The following SDCCAG8 variants were observed in gnomAD, a reference collection of about 807,000 sequenced individuals.
The protein encoded by SDCCAG8 is SHH signaling and ciliogenesis regulator SDCCAG8.
SDCCAG8 carries 74 observed loss-of-function variants against 101.8 expected under a neutral mutation model. The observed-to-expected ratio is 0.73, with a 90% CI of 0.60 to 0.88. The LOEUF (loss-of-function observed/expected upper bound fraction) is 0.88. Ranked by LOEUF, SDCCAG8 falls within the 40% of genes least tolerant of loss-of-function variation. The probability of loss-of-function intolerance (pLI) is 0.00; values close to 1 mark genes in which losing one functional copy is unlikely to be tolerated. For synonymous variants in SDCCAG8, 281 were observed against 292.9 expected (o/e 0.96, Z 0.41); for missense variants, 787 against 822.6 (o/e 0.96, Z 0.53).
At chr1:243,419,516 T>G (rs928457016) in intron 15 of SDCCAG8, among the ~76,000 whole-genome samples, 1 of 152,154 alleles carries the variant, frequency 6.6e-6, no homozygotes, top group Non-Finnish European at 1.5e-5. Flanking sequence ...GATCTTGCTC[T>G]CCAAGGAGAC....
At chr1:243,463,901 A>C (rs952890573) in intron 16 of SDCCAG8, among the ~76,000 whole-genome samples, 1 of 151,878 alleles carries the variant, frequency 6.6e-6, no homozygotes, top group African/African-American at 2.4e-5. Flanking sequence ...ATACCCATCC[A>C]AGGGATGGAT....
intron 13 of SDCCAG8, among the ~76,000 whole-genome samples, chr1:243,379,546 A>T (rs994237645): frequency 6.6e-6 from 1 of 152,124 alleles, no homozygotes; most frequent in Non-Finnish European, 1.5e-5. Context: ...GGAAAAAAAC[A>T]TACACACACA....
intron 16 of SDCCAG8, among the ~76,000 whole-genome samples, chr1:243,429,144 T>C (rs1309795654): frequency 6.6e-6 from 1 of 152,212 alleles, no homozygotes; most frequent in Non-Finnish European, 1.5e-5. Context: ...GATTGAAGTT[T>C]GCAGCTGCAG....
intron 9 of SDCCAG8, among the ~76,000 whole-genome samples, chr1:243,321,547 CA>C: frequency 6.6e-6 from 1 of 152,338 alleles, no homozygotes; most frequent in Non-Finnish European, 1.5e-5. Context: ...TATGTTGCTG[CA>C]AAGCACATGA....
intron 16 of SDCCAG8, among the ~76,000 whole-genome samples, chr1:243,452,186 T>C (rs2083407780): frequency 1.3e-5 from 2 of 152,194 alleles, no homozygotes; most frequent in Admixed American, 6.5e-5. Flanking sequence ...CTGGGATTAC[T>C]GGTGTGCCTT....
At chr1:243,282,593 G>T (rs528926784) in intron 4 of SDCCAG8, among the ~76,000 whole-genome samples, 4 of 151,874 alleles carry the variant, frequency 2.6e-5, no homozygotes, top group Non-Finnish European at 4.4e-5. Flanking sequence ...TTCTTGCAAG[G>T]CATATATGCT....
intron 16 of SDCCAG8, among the ~76,000 whole-genome samples, chr1:243,470,405 C>T (rs934319883): frequency 5.9e-5 from 9 of 152,176 alleles, no homozygotes; most frequent in African/African-American, 2.2e-4. Flanking sequence ...CTAATGCCCC[C>T]ACTTTTCCCA....
intron 1 of SDCCAG8, among the ~76,000 whole-genome samples, chr1:243,263,086 C>CA (rs1406550160): frequency 6.6e-6 from 1 of 152,206 alleles, no homozygotes; most frequent in African/African-American, 2.4e-5. Flanking sequence ...AGCTCACTGT[C>CA]ACGCTCATTT....
chr1:243,438,233 G>A (rs2082278926), intron 16 of SDCCAG8, among the ~76,000 whole-genome samples: 1 of 152,142 alleles, frequency 6.6e-6, no homozygotes, highest in East Asian at 1.9e-4. Context: ...GTCCTCTTGT[G>A]TTTGGGGCTC....
At chr1:243,446,653 AAG>A (rs2082928093) in intron 16 of SDCCAG8, among the ~76,000 whole-genome samples, 1 of 152,206 alleles carries the variant, frequency 6.6e-6, no homozygotes, top group African/African-American at 2.4e-5. Context: ...TTCCTGGCTT[AAG>A]AACATCAGCC....
chr1:243,374,185 C>A (rs560834593), intron 12 of SDCCAG8, among the ~76,000 whole-genome samples: 1 of 152,008 alleles, frequency 6.6e-6, no homozygotes, highest in African/African-American at 2.4e-5. Flanking sequence ...CCAGAAGTTA[C>A]AATCAGAAGA....
chr1:243,422,604 C>T (rs1289322607), intron 15 of SDCCAG8, among the ~76,000 whole-genome samples: 1 of 152,060 alleles, frequency 6.6e-6, no homozygotes, highest in African/African-American at 2.4e-5. Context: ...AGAACACACA[C>T]CCGGTTGAAC....
chr1:243,389,150 TC>T (rs373392073), intron 13 of SDCCAG8, among the ~76,000 whole-genome samples: 2,515 of 116,776 alleles, frequency 0.022, 51 homozygotes, highest in African/African-American at 0.053. Flanking sequence ...CTGTCCCCCC[TC>T]CCCCCCCCAA....
intron 13 of SDCCAG8, among the ~76,000 whole-genome samples, chr1:243,389,646 A>T (rs889944035): frequency 2.0e-5 from 3 of 152,174 alleles, no homozygotes; most frequent in African/African-American, 7.2e-5. Flanking sequence ...ACTATTTGCA[A>T]AAGATTAGAA....
At chr1:243,462,832 C>G (rs573228447) in intron 16 of SDCCAG8, among the ~76,000 whole-genome samples, 7 of 151,854 alleles carry the variant, frequency 4.6e-5, no homozygotes, top group Non-Finnish European at 8.8e-5. Flanking sequence ...TATTTGCCTT[C>G]TCTCATCTTT....
intron 16 of SDCCAG8, among the ~76,000 whole-genome samples, chr1:243,435,535 T>A (rs2082074458): frequency 1.3e-5 from 2 of 152,206 alleles, no homozygotes; most frequent in Non-Finnish European, 2.9e-5. Flanking sequence ...CTTCAGAGAC[T>A]TAGATTCTAA....
chr1:243,399,592 C>T (rs965574029), intron 13 of SDCCAG8, among the ~76,000 whole-genome samples: 1 of 151,962 alleles, frequency 6.6e-6, no homozygotes, highest in Non-Finnish European at 1.5e-5. Flanking sequence ...CTGCAACCTC[C>T]GCCTCCCGGG....
intron 13 of SDCCAG8, among the ~76,000 whole-genome samples, chr1:243,401,165 G>A (rs904645128): frequency 6.6e-6 from 1 of 152,174 alleles, no homozygotes; most frequent in Non-Finnish European, 1.5e-5. Context: ...CTTACTATGT[G>A]TGCTCCTAGC....
intron 1 of SDCCAG8, among the ~76,000 whole-genome samples, chr1:243,265,273 AG>A (rs1267527856): frequency 2.0e-5 from 3 of 152,212 alleles, no homozygotes; most frequent in Non-Finnish European, 4.4e-5. Flanking sequence ...TTTTAGTTTT[AG>A]GGCACAGTTC....
Sources: gnomAD v4.1 joint callset for allele counts (sites outside exome capture counted in the v4.1 genomes callset) on GRCh38, gnomAD v4.1.1 for gene constraint, MANE v1.5 for transcripts, NCBI Gene and HGNC (gene_info 2026-07-23, HGNC 2026-07-21) for gene names.